Variants in DOCK8 observed in about 807,000 individuals in gnomAD.
DOCK8 encodes the protein dedicator of cytokinesis 8.
In DOCK8, 141 loss-of-function variants were observed where a neutral mutation model predicts 245.6. The ratio of observed to expected loss-of-function variants is 0.57; its 90% CI spans 0.50 to 0.66. DOCK8 has a LOEUF of 0.66. Among genes scored for constraint, DOCK8 ranks in the 30% least tolerant of loss-of-function variants. DOCK8 has a pLI of 0.00. For missense variants in DOCK8, 2,965 were observed against 2,603.4 expected (o/e 1.14, Z -3.02); for synonymous variants, 1,168 against 970.2 (o/e 1.20, Z -3.79).
chr9:372,943 T>A, intron 18 of DOCK8, among the ~76,000 whole-genome samples: 1 of 152,100 alleles, frequency 6.6e-6, no homozygotes, highest in Non-Finnish European at 1.5e-5. Context: ...GGCAGGCAGA[T>A]CACTTGAGGT....
Position 254,701 on chromosome 9 carries a change from A to G in DOCK8, c.54-16926A>G, listed in dbSNP as rs563820246. ...CCACATTGACTCACATTCTCCTTCT[A>G]CTTCCATTTGAGTGAGCACCAAGTA... On this transcript the variant is annotated intron_variant, in intron 1 of 47. Coordinates refer to ENST00000432829, the MANE Select transcript of DOCK8 (RefSeq NM_203447.4). Among the ~76,000 whole-genome samples, 97 of 152,278 alleles carry G rather than the reference A, an allele frequency of 6.4e-4. 1 individual carries two copies. Among genetic ancestry groups the G allele is most frequent in the Non-Finnish European group, 9.8e-4 (67 of 68,026 alleles).
chr9:372,323 A>G, intron 18 of DOCK8, 37 bp downstream of exon 18: 1 of 1,548,348 alleles, frequency 6.5e-7, no homozygotes, highest in Non-Finnish European at 8.9e-7. Context: ...TTTCTTGTCC[A>G]GCTGTAGTCT....
chr9:315,017 A>G (rs1182523088), intron 6 of DOCK8, among the ~76,000 whole-genome samples: 2 of 152,188 alleles, frequency 1.3e-5, no homozygotes, highest in African/African-American at 2.4e-5. Context: ...CCTAAGAAAG[A>G]TTCCACTGAT....
intron 1 of DOCK8, among the ~76,000 whole-genome samples, chr9:266,043 G>GA (rs1347110393): frequency 2.0e-5 from 3 of 152,136 alleles, no homozygotes; most frequent in Non-Finnish European, 2.9e-5. Context: ...GTGAGAATGA[G>GA]AAAAACTGAT....
chr9:247,552 G>T (rs2047532941), intron 1 of DOCK8, among the ~76,000 whole-genome samples: 1 of 151,992 alleles, frequency 6.6e-6, no homozygotes, highest in Non-Finnish European at 1.5e-5. Flanking sequence ...TTGTTTGTTT[G>T]AGAGGGAGTC....
At chr9:358,630 C>G (rs1468900383) in intron 14 of DOCK8, among the ~76,000 whole-genome samples, 1 of 148,284 alleles carries the variant, frequency 6.7e-6, no homozygotes, top group African/African-American at 2.5e-5. Context: ...GGGCGGATCA[C>G]TTGAGGTCAG....
chr9:400,812 CCACCACCTCCACCATCACCAT>C (rs1368981224), intron 26 of DOCK8, among the ~76,000 whole-genome samples: 9 of 103,076 alleles, frequency 8.7e-5, no homozygotes, highest in South Asian at 3.2e-4. Context: ...TCCACCATCA[CCACCACCTCCACCATCACCAT>C]CACCACCACC....
At chr9:237,462 C>T (rs371165061) in intron 1 of DOCK8, among the ~76,000 whole-genome samples, 1 of 152,190 alleles carries the variant, frequency 6.6e-6, no homozygotes, top group Non-Finnish European at 1.5e-5. Context: ...CAAGACCAGC[C>T]TGGGCAAAGT....
intron 28 of DOCK8, among the ~76,000 whole-genome samples, chr9:413,963 G>A (rs1455619832): frequency 6.6e-6 from 1 of 152,138 alleles, no homozygotes; most frequent in Non-Finnish European, 1.5e-5. Context: ...CCAAGATGGT[G>A]AAACCCTGTC....
At chr9:308,453 A>T (rs553818204) in intron 5 of DOCK8, among the ~76,000 whole-genome samples, 1 of 152,260 alleles carries the variant, frequency 6.6e-6, no homozygotes, top group Non-Finnish European at 1.5e-5. Flanking sequence ...AATGTTTTCA[A>T]TTCCACTCTC....
intron 1 of DOCK8, among the ~76,000 whole-genome samples, chr9:235,729 T>C (rs1000382967): frequency 2.0e-5 from 3 of 152,166 alleles, no homozygotes; most frequent in Non-Finnish European, 4.4e-5. Flanking sequence ...TCTCCTGGTG[T>C]GCCGTTTTTT....
At chr9:306,649 C>G (rs1480245909) in intron 5 of DOCK8, among the ~76,000 whole-genome samples, 1 of 152,198 alleles carries the variant, frequency 6.6e-6, no homozygotes, top group Non-Finnish European at 1.5e-5. Context: ...ATCAGAATCT[C>G]CCAGAGGGTT....
chr9:448,698 C>T (rs1587088260), intron 44 of DOCK8, among the ~76,000 whole-genome samples: 1 of 152,196 alleles, frequency 6.6e-6, no homozygotes, highest in South Asian at 2.1e-4. Context: ...GTCCAGATTT[C>T]CTCTTCTCGT....
At chr9:365,942 T>TA (rs903758538) in intron 14 of DOCK8, 11 of 262,070 alleles carry the variant, frequency 4.2e-5, no homozygotes, top group African/African-American at 2.5e-4. Flanking sequence ...GGCTCAGTCT[T>TA]ACCGACCTGC....
chr9:226,277 A>G (rs987630669), intron 1 of DOCK8, among the ~76,000 whole-genome samples: 1 of 152,180 alleles, frequency 6.6e-6, no homozygotes, highest in South Asian at 2.1e-4. Context: ...ATTCACTATC[A>G]TGAGAATAGC....
chr9:340,087 G>A (rs2051504027), intron 13 of DOCK8, 72 bp from the exon 14 acceptor site: 1 of 1,539,558 alleles, frequency 6.5e-7, no homozygotes, highest in Admixed American at 1.7e-5. Context: ...GAAACACAGT[G>A]CAACAATCTT....
chr9:343,802 C>T (rs149888941), intron 14 of DOCK8, among the ~76,000 whole-genome samples: 189 of 152,296 alleles, frequency 1.2e-3, no homozygotes, highest in African/African-American at 4.2e-3. Flanking sequence ...ATCCTATAAT[C>T]GGGAAACAAT....
At chr9:316,268 A>G (rs1447078941) in intron 6 of DOCK8, among the ~76,000 whole-genome samples, 1 of 152,210 alleles carries the variant, frequency 6.6e-6, no homozygotes, top group Non-Finnish European at 1.5e-5. Flanking sequence ...AGCATACTGC[A>G]AGAGTGGGAA....
chr9:263,141 A>AG (rs1255734878), intron 1 of DOCK8, among the ~76,000 whole-genome samples: 1 of 151,946 alleles, frequency 6.6e-6, no homozygotes, highest in Non-Finnish European at 1.5e-5. Flanking sequence ...GGGGAGGCAG[A>AG]GGTTGCAGTG....
Sources: allele counts gnomAD v4.1 joint callset (sites outside exome capture counted in the v4.1 genomes callset), GRCh38; gene constraint gnomAD v4.1.1; transcripts MANE v1.5; gene names NCBI Gene and HGNC (gene_info 2026-07-23, HGNC 2026-07-21).